Variants in IDH1 observed in about 807,000 individuals in gnomAD.
IDH1 encodes isocitrate dehydrogenase [NADP] cytoplasmic.
IDH1 carries 33 observed loss-of-function variants against 46.1 expected under a neutral mutation model. That is an observed-to-expected ratio of 0.72 (90% CI 0.54 to 0.96). IDH1 has a LOEUF of 0.96. Ranked by LOEUF, IDH1 falls within the 40% of genes least tolerant of loss-of-function variation. IDH1 has a pLI of 0.00. For missense variants in IDH1, 421 were observed against 515.7 expected (o/e 0.82, Z 1.78); for synonymous variants, 144 against 172.8 (o/e 0.83, Z 1.31).
At chr2:208,246,707 G>A (rs1688029065) in intron 4 of IDH1, among the ~76,000 whole-genome samples, 1 of 151,652 alleles carries the variant, frequency 6.6e-6, no homozygotes, top group Non-Finnish European at 1.5e-5. Context: ...GGGAGGCGGA[G>A]GCGGAGGCGG....
rs756272474 is a variant in IDH1, at chr2:208,242,113, A to C, written c.731T>G (p.Ile244Ser). The C allele has an allele frequency of 6.2e-7, 1 of 1,613,956 alleles. No homozygotes were observed. Among genetic ancestry groups the C allele is most frequent in the South Asian group, 1.1e-5 (1 of 91,072 alleles). Reference protein sequence around the residue: ...QYKSQFEAQKIWYEHRLIDDM... With the variant: ...QYKSQFEAQKSWYEHRLIDDM... ...GTCGATGAGCCTATGCTCATACCAGATCTTTTGAGCTTCAAACTGGGACTT... is the reference window on the plus strand; with the variant it reads ...GTCGATGAGCCTATGCTCATACCAGCTCTTTTGAGCTTCAAACTGGGACTT... The change falls in exon 7 of 10, where the codon ATC becomes AGC. Residue 244 changes from isoleucine to serine, a missense_variant. By Grantham distance (142) the Ile-to-Ser change is moderately radical. Coordinates refer to ENST00000345146, the MANE Select transcript of IDH1 (RefSeq NM_005896.4).
Position 208,251,582 on chromosome 2 carries a change from A to T in IDH1, c.-16-15T>A. ...CTTCAATAAACCTAAAAAGAAAAAA[A>T]AAATACATGCCTTGTCATTTATTTC... On this transcript the variant is annotated splice_polypyrimidine_tract_variant and intron_variant, in intron 2 of 9. Transcript: ENST00000345146. 6.2e-7 allele frequency: 1 copy of T among 1,602,018 alleles called. No individual in the cohort carries two copies. Among genetic ancestry groups the T allele is most frequent in the Non-Finnish European group, 8.5e-7 (1 of 1,170,704 alleles).
chr2:208,239,352 A>G lies in IDH1; in HGVS notation c.992-119T>C, dbSNP rs1044734531. On this transcript the variant is annotated intron_variant, in intron 8 of 9. Coordinates refer to ENST00000345146, the MANE Select transcript of IDH1 (RefSeq NM_005896.4). ...GTTTAGGTGACAGACTTCTTTAGAT[A>G]CTAACCACATGGGCTAGAAGTTTTA... 5 of 969,614 alleles carry G rather than the reference A, an allele frequency of 5.2e-6. No homozygotes were observed. The African/African-American group carries it at 8.1e-5, about 16-fold the overall frequency. The allele number at this position is 969,614 out of a possible 1,614,324, so 60.1% of individuals were successfully genotyped here. A position where few individuals can be genotyped will look rare whatever the true frequency, so the allele number is the denominator to read the frequency against.
intron 1 of IDH1, chr2:208,254,219 C>G (rs1011427456): frequency 6.6e-6 from 1 of 152,522 alleles, no homozygotes; most frequent in Non-Finnish European, 1.5e-5. Flanking sequence ...CATGTCCTTG[C>G]TCTTGGCCTG....
intron 3 of IDH1, 133 bp from the exon 4 acceptor site, chr2:208,248,793 T>C (rs1688070572): frequency 1.3e-6 from 1 of 769,424 alleles, no homozygotes; most frequent in Non-Finnish European, 2.2e-6. Context: ...TGCCAAGTTT[T>C]AGCACTGGCA....
rs141118556 is a variant in IDH1, at chr2:208,251,536, T to C, written c.16A>G (p.Ser6Gly). The C allele has an allele frequency of 4.7e-5, 76 of 1,613,850 alleles. 1 individual carries two copies. In the African/African-American group the frequency reaches 9.6e-4, roughly 20 times the overall value. Residue 6 changes from serine (S) to glycine (G), a missense_variant, in exon 3 of 10, where the codon AGT (serine) becomes GGT (glycine). Transcript: ENST00000345146. MSKKI[S>G]GGSVVEMQGD... ...TGCATCTCTACCACAGAACCGCCAC[T>C]GATTTTTTTGGACATTTTGACTTCA...
At chr2:208,240,700 A>T (rs938505095) in intron 7 of IDH1, among the ~76,000 whole-genome samples, 1 of 152,160 alleles carries the variant, frequency 6.6e-6, no homozygotes, top group Non-Finnish European at 1.5e-5. Flanking sequence ...TACAACTCTT[A>T]TATCTATATA....
At chr2:208,246,371 A>T (rs1400655002) in intron 4 of IDH1, among the ~76,000 whole-genome samples, 3 of 152,168 alleles carry the variant, frequency 2.0e-5, no homozygotes, top group African/African-American at 7.2e-5. Flanking sequence ...AACAACTGGT[A>T]AAAGAGCAGT....
chr2:208,248,737 T>C (rs546314478), intron 3 of IDH1, 77 bp from the exon 4 acceptor site: 16 of 1,321,794 alleles, frequency 1.2e-5, no homozygotes, highest in Admixed American at 3.4e-5. Flanking sequence ...TGATGGCATA[T>C]AGAGCTCATT....
intron 9 of IDH1, among the ~76,000 whole-genome samples, chr2:208,238,161 G>A (rs1260256189): frequency 2.7e-5 from 4 of 150,466 alleles, no homozygotes; most frequent in East Asian, 2.0e-4. Context: ...TCAGCCTCCC[G>A]AGTAGCTGGG....
rs986597027 is a variant in IDH1 at position 208,243,675 on chromosome 2, A to T, written c.521-71T>A. ...TGTAATGTAGTTGTAATAAGGCTAAAATCACCCACCACAACCAAATGACCT... is the reference window on the plus strand; with the variant it reads ...TGTAATGTAGTTGTAATAAGGCTAATATCACCCACCACAACCAAATGACCT... On this transcript the variant is annotated intron_variant, in intron 5 of 9. Transcript: ENST00000345146. 7.3e-6 allele frequency: 9 copies of T among 1,238,636 alleles called. No individual in the cohort carries two copies. In the African/African-American group the frequency reaches 1.3e-4, roughly 18 times the overall value. 76.7% of individuals were successfully genotyped at this position (1,238,636 alleles called of 1,614,324 possible).
Position 208,248,529 on chromosome 2 carries a change from T to C in IDH1, c.254A>G (p.Glu85Gly), listed in dbSNP as rs778083499. ...TTTCCACATTTGTTTCAACTTGAAC[T>C]CCTCAACCCTCTTCTCATCAGGAGT... ...TITPDEKRVE[E>G]FKLKQMWKSP... Residue 85 changes from glutamate to glycine, a missense_variant, in exon 4 of 10, where the codon GAG becomes GGG. By Grantham distance (98) the Glu-to-Gly change is moderately conservative. Transcript: ENST00000345146. The C allele has an allele frequency of 6.2e-7, 1 of 1,614,202 alleles. No homozygotes were observed. Among genetic ancestry groups the C allele is most frequent in the Non-Finnish European group, 8.5e-7 (1 of 1,180,028 alleles).
At chr2:208,244,612 A>G (rs1362954562) in intron 5 of IDH1, among the ~76,000 whole-genome samples, 1 of 151,704 alleles carries the variant, frequency 6.6e-6, no homozygotes. Context: ...ATCCATGCCA[A>G]TGCTCAGGGT....
Position 208,251,953 on chromosome 2 carries a change from G to A in IDH1, c.-16-386C>T, listed in dbSNP as rs550007005. Among the ~76,000 whole-genome samples, 4 of 152,172 alleles carry A rather than the reference G, an allele frequency of 2.6e-5. No individual in the cohort carries two copies. The South Asian group carries it at 6.2e-4, about 24-fold the overall frequency. ...ATGCAATCATTATTCTCAACTACTG[G>A]TTTGTCTTAAGAAATGAGATTATTT... On this transcript the variant is annotated intron_variant, in intron 2 of 9. Coordinates refer to ENST00000345146, the MANE Select transcript of IDH1 (RefSeq NM_005896.4).
At chr2:208,244,621 G>GTT (rs148462855) in intron 5 of IDH1, among the ~76,000 whole-genome samples, 4,319 of 152,278 alleles carry the variant, frequency 0.028, 186 homozygotes, top group African/African-American at 0.097. Context: ...AATGCTCAGG[G>GTT]TTAACTTGGG....
chr2:208,249,431 A>C (rs1186141115), intron 3 of IDH1, among the ~76,000 whole-genome samples: 1 of 152,230 alleles, frequency 6.6e-6, no homozygotes. Context: ...AAAGGAATCC[A>C]TCAATGGTTT....
chr2:208,247,317 T>C (rs1688041790), intron 4 of IDH1: 2 of 152,264 alleles, frequency 1.3e-5, no homozygotes, highest in Non-Finnish European at 1.5e-5. Flanking sequence ...TTTTGTTTAC[T>C]TGGCAGTTTT....
intron 4 of IDH1, among the ~76,000 whole-genome samples, chr2:208,245,792 A>ACC (rs1196961348): frequency 0.02 from 1,436 of 70,892 alleles, 38 homozygotes; most frequent in African/African-American, 0.046. Context: ...CCCCCCCCAA[A>ACC]AAAAAAAAAA....
chr2:208,237,311 T>C (rs1574399909), intron 9 of IDH1, 142 bp from the exon 10 acceptor site: 1 of 676,154 alleles, frequency 1.5e-6, no homozygotes, highest in Non-Finnish European at 2.7e-6. Context: ...AGCTACAAAA[T>C]CTATAGACAA....
Sources: allele counts gnomAD v4.1 joint callset (sites outside exome capture counted in the v4.1 genomes callset), GRCh38; gene constraint gnomAD v4.1.1; transcripts MANE v1.5; gene names NCBI Gene and HGNC (gene_info 2026-07-23, HGNC 2026-07-21).